Variants in CELF2 observed in about 807,000 individuals in gnomAD.
The protein encoded by CELF2 is CUGBP Elav-like family member 2.
In CELF2, 8 loss-of-function variants were observed where a neutral mutation model predicts 62.6. The ratio of observed to expected loss-of-function variants is 0.13; its 90% CI spans 0.07 to 0.23. CELF2 has a LOEUF of 0.23. Among genes scored for constraint, CELF2 ranks in the 10% least tolerant of loss-of-function variants. The pLI, the probability that CELF2 is intolerant of heterozygous loss-of-function variation, is 1.00. For missense variants in CELF2, 333 were observed against 671.0 expected, an observed-to-expected ratio of 0.50 and a Z score of 5.56; for synonymous variants, 258 against 250.0, an observed-to-expected ratio of 1.03 and a Z score of -0.30.
At chr10:11,249,010 A>G (rs907758373) in intron 3 of CELF2, 143 bp from the exon 4 acceptor site, 1 of 646,462 alleles carries the variant, frequency 1.5e-6, no homozygotes, top group East Asian at 2.8e-5. Flanking sequence ...CTTACTTTTT[A>G]ACATAGTTAA....
chr10:10,784,210 C>T, the CELF2 span, among the ~76,000 whole-genome samples: 3 of 152,176 alleles, frequency 2.0e-5, no homozygotes, highest in African/African-American at 7.2e-5. Flanking sequence ...TCCTTACAGG[C>T]TGGGGAGCAC....
the CELF2 span, among the ~76,000 whole-genome samples, chr10:10,767,393 G>C: frequency 6.6e-6 from 1 of 152,154 alleles, no homozygotes; most frequent in South Asian, 2.1e-4. Flanking sequence ...ATGACATCCT[G>C]AGGGTATGTT....
the CELF2 span, among the ~76,000 whole-genome samples, chr10:10,747,851 C>T: frequency 6.6e-6 from 1 of 151,858 alleles, no homozygotes; most frequent in African/African-American, 2.4e-5. Flanking sequence ...GGACTACAGG[C>T]ATGTGCCACC....
intron 1 of CELF2, among the ~76,000 whole-genome samples, chr10:11,023,331 AATGT>A (rs1283002128): frequency 6.6e-6 from 1 of 152,230 alleles, no homozygotes; most frequent in Non-Finnish European, 1.5e-5. Flanking sequence ...CAGTGCAGAA[AATGT>A]ATTTTTATTT....
chr10:10,802,320 A>C (rs1424650152), intron 1 of CELF2, among the ~76,000 whole-genome samples: 3 of 152,090 alleles, frequency 2.0e-5, no homozygotes, highest in Non-Finnish European at 2.9e-5. Context: ...AAATACAAAA[A>C]TTAGCTGGGT....
At chr10:10,563,547 G>C in the CELF2 span, among the ~76,000 whole-genome samples, 1 of 150,280 alleles carries the variant, frequency 6.7e-6, no homozygotes, top group East Asian at 2.0e-4. Context: ...GACGGAGGTT[G>C]CAGTGAGCCA....
Position 11,319,813 on chromosome 10 carries a change from G to A in CELF2, c.1097-1376G>A, listed in dbSNP as rs934420094. 2.1e-6 allele frequency: 1 copy of A among 470,966 alleles called. No homozygotes were observed. Among genetic ancestry groups the A allele is most frequent in the African/African-American group, 2.0e-5 (1 of 50,038 alleles). The allele number at this position is 470,966 out of a possible 1,614,324, so 29.2% of individuals were successfully genotyped here. On this transcript the variant is annotated intron_variant, in intron 10 of 12. Transcript: ENST00000633077. This position sits in a 1 kb window ranked among gnomAD's most constrained non-coding sequence, Gnocchi z 4.4. ...TCTTACATGTGTCCTTTTAATTGAAGAGGCGAAGTTGGCCAAATAGAAGCA... is the reference window on the plus strand; with the variant it reads ...TCTTACATGTGTCCTTTTAATTGAAAAGGCGAAGTTGGCCAAATAGAAGCA...
chr10:10,811,590 G>C (rs187593777), intron 1 of CELF2, among the ~76,000 whole-genome samples: 1 of 152,264 alleles, frequency 6.6e-6, no homozygotes, highest in African/African-American at 2.4e-5. Flanking sequence ...ATCTCAAAGG[G>C]ATGGAGGAAG....
At chr10:10,840,569 T>G (rs940462814) in intron 1 of CELF2, among the ~76,000 whole-genome samples, 1 of 152,246 alleles carries the variant, frequency 6.6e-6, no homozygotes, top group Non-Finnish European at 1.5e-5. Flanking sequence ...TATTGCTGAG[T>G]TGTAATAGTT....
chr10:10,613,133 G>A, the CELF2 span, among the ~76,000 whole-genome samples: 3 of 16,168 alleles, frequency 1.9e-4, no homozygotes, highest in Admixed American at 1.0e-3. Flanking sequence ...ACTTTTAAAA[G>A]TAGAGGGTTT....
intron 1 of CELF2, among the ~76,000 whole-genome samples, chr10:11,051,629 G>T (rs982135385): frequency 6.6e-6 from 1 of 152,160 alleles, no homozygotes; most frequent in African/African-American, 2.4e-5. Flanking sequence ...TGCCTCCATG[G>T]AACTCCAATT....
In CELF2 at chr10:11,302,320, A is replaced by G. The variant is rs2140199128; in HGVS notation, c.977-11819A>G. On this transcript the variant is annotated intron_variant, in intron 9 of 12. Coordinates refer to ENST00000633077, the MANE Select transcript of CELF2 (RefSeq NM_001326342.2). The surrounding 1 kb of genome is among the most constrained non-coding windows in gnomAD (Gnocchi z 5.0). ...ATAGTCCTGACACACGTGGTTCTCT[A>G]ATGTTTGCATGCAAAAGCAGCGCCG... 6.6e-6 allele frequency among the ~76,000 whole-genome samples: 1 copy of G among 152,248 alleles called. No individual in the cohort carries two copies. Among genetic ancestry groups the G allele is most frequent in the East Asian group, 1.9e-4 (1 of 5,170 alleles).
rs2074274222 is a variant in CELF2, at chr10:11,242,541, C to T, written c.355-6612C>T. ...TGCAGCTGCTCCGTGGCCAGCTTCA[C>T]GGCGGCACCAGGTGGTGACAGCTGT... is the stretch of plus-strand genomic sequence containing the variant. On this transcript the variant is annotated intron_variant, in intron 3 of 12. Transcript: ENST00000633077. The surrounding 1 kb of genome is among the most constrained non-coding windows in gnomAD (Gnocchi z 4.8). Among the ~76,000 whole-genome samples the T allele has an allele frequency of 6.6e-6, 1 of 152,228 alleles. No individual in the cohort carries two copies. The highest frequency in any genetic ancestry group is 1.5e-5 in the Non-Finnish European group (1 of 68,036).
chr10:10,570,682 C>G, the CELF2 span, among the ~76,000 whole-genome samples: 1 of 151,758 alleles, frequency 6.6e-6, no homozygotes, highest in Non-Finnish European at 1.5e-5. Context: ...ATAAGAGTAG[C>G]ACAGTTAAGG....
At chr10:10,913,124 G>A (rs985354530) in intron 1 of CELF2, among the ~76,000 whole-genome samples, 2 of 152,106 alleles carry the variant, frequency 1.3e-5, no homozygotes, top group African/African-American at 2.4e-5. Context: ...ACATTTTGAT[G>A]TTTTAATCAT....
At chr10:11,026,791 T>C (rs890857136) in intron 1 of CELF2, among the ~76,000 whole-genome samples, 5 of 152,202 alleles carry the variant, frequency 3.3e-5, no homozygotes, top group Non-Finnish European at 7.3e-5. Flanking sequence ...GTTCTCAGGG[T>C]TGGAGCCTCG....
At chr10:10,661,645 T>A in the CELF2 span, among the ~76,000 whole-genome samples, 1 of 152,228 alleles carries the variant, frequency 6.6e-6, no homozygotes, top group Non-Finnish European at 1.5e-5. Context: ...ATATAAGTGA[T>A]GATAACTGTA....
the CELF2 span, among the ~76,000 whole-genome samples, chr10:10,734,071 G>A: frequency 6.6e-6 from 1 of 151,970 alleles, no homozygotes; most frequent in South Asian, 2.1e-4. Context: ...ACCTCAATAA[G>A]ACCCTTACTT....
rs2065956929 is a variant in CELF2, at chr10:11,224,832, GGA to G, written c.354+7331_354+7332del. 6.6e-6 allele frequency among the ~76,000 whole-genome samples: 1 copy of G among 152,130 alleles called. No individual in the cohort carries two copies. The highest frequency in any genetic ancestry group is 1.5e-5 in the Non-Finnish European group (1 of 68,024). ...AAAAGCATACAGCATGGGTAGATGTGGAGAGAGTTCTCCCAGGAACACCAAGG... is the reference window on the plus strand; with the variant it reads ...AAAAGCATACAGCATGGGTAGATGTGGAGAGTTCTCCCAGGAACACCAAGG... On this transcript the variant is annotated intron_variant, in intron 3 of 12. Coordinates refer to ENST00000633077, the MANE Select transcript of CELF2 (RefSeq NM_001326342.2). The surrounding 1 kb of genome is among the most constrained non-coding windows in gnomAD (Gnocchi z 4.5).
Sources: gnomAD v4.1 joint callset for allele counts (sites outside exome capture counted in the v4.1 genomes callset) on GRCh38, gnomAD v4.1.1 for gene constraint, Gnocchi (gnomAD v3.1) non-coding constraint, MANE v1.5 for transcripts, NCBI Gene and HGNC (gene_info 2026-07-23, HGNC 2026-07-21) for gene names.